Variants in SERPINB2 observed in about 807,000 individuals in gnomAD.
The protein encoded by SERPINB2 is serpin family B member 2.
SERPINB2 carries 28 observed loss-of-function variants against 39.4 expected under a neutral mutation model. The observed-to-expected ratio is 0.71, with a 90% CI of 0.53 to 0.97. The LOEUF is 0.97. Ranked by LOEUF, SERPINB2 falls within the 50% of genes least tolerant of loss-of-function variation. The probability of loss-of-function intolerance (pLI) is 0.00; values close to 1 mark genes in which losing one functional copy is unlikely to be tolerated. For missense variants in SERPINB2, 557 were observed against 505.3 expected (o/e 1.10, Z -0.98); for synonymous variants, 209 against 175.1 (o/e 1.19, Z -1.53).
chr18:63,890,275 A>T (rs1486769639), intron 1 of SERPINB2, among the ~76,000 whole-genome samples: 2 of 152,174 alleles, frequency 1.3e-5, no homozygotes, highest in East Asian at 1.9e-4. Context: ...TCCTTGTTGG[A>T]GAGCAATGCT....
At chr18:63,896,542 T>C (rs1009195922) in intron 3 of SERPINB2, among the ~76,000 whole-genome samples, 2 of 152,206 alleles carry the variant, frequency 1.3e-5, no homozygotes, top group African/African-American at 4.8e-5. Flanking sequence ...GATGACTTGC[T>C]ATACCTATAC....
At chr18:63,897,318 T>A in intron 4 of SERPINB2, 99 bp downstream of exon 4, 3 of 1,431,506 alleles carry the variant, frequency 2.1e-6, no homozygotes, top group Non-Finnish European at 2.8e-6. Context: ...AAAAGCAGAG[T>A]TGGAATTCCA....
intron 3 of SERPINB2, among the ~76,000 whole-genome samples, chr18:63,896,736 C>T (rs903265936): frequency 6.6e-6 from 1 of 152,186 alleles, no homozygotes; most frequent in East Asian, 1.9e-4. Context: ...AGTCATTATA[C>T]TGTACATTAG....
chr18:63,892,555 A>T (rs745768746), intron 2 of SERPINB2: 2 of 152,224 alleles, frequency 1.3e-5, no homozygotes, highest in Non-Finnish European at 2.9e-5. Flanking sequence ...AAGGACACGC[A>T]TGCATTGTGC....
intron 5 of SERPINB2, among the ~76,000 whole-genome samples, chr18:63,900,915 A>T (rs2049987417): frequency 6.6e-6 from 1 of 152,170 alleles, no homozygotes; most frequent in African/African-American, 2.4e-5. Flanking sequence ...CGTTGGGAAG[A>T]CTGCTAACCT....
chr18:63,895,267 C>T lies in SERPINB2; in HGVS notation c.172C>T (p.Leu58Phe). The T allele has an allele frequency of 6.2e-7, 1 of 1,613,364 alleles. No individual in the cohort carries two copies. The highest frequency in any genetic ancestry group is 8.5e-7 in the Non-Finnish European group (1 of 1,179,810). ...TTTTCTCTAATTCTGATTGCAGGTGCTTCAGTTTAATGAAGTGGGAGCCAA... is the reference window on the plus strand; with the variant it reads ...TTTTCTCTAATTCTGATTGCAGGTGTTTCAGTTTAATGAAGTGGGAGCCAA... The part of the protein sequence containing the change: ...GSTEDQMAKV[L>F]QFNEVGANAV... The change falls in exon 3 of 8, where the codon CTT (leucine) becomes TTT (phenylalanine). Residue 58 changes from leucine (L) to phenylalanine (F), a missense_variant. Coordinates refer to ENST00000299502, the MANE Select transcript of SERPINB2 (RefSeq NM_002575.3).
At chr18:63,897,292 C>T in intron 4 of SERPINB2, 73 bp downstream of exon 4, 1 of 1,535,400 alleles carries the variant, frequency 6.5e-7, no homozygotes, top group Non-Finnish European at 8.8e-7. Context: ...CAGTTCTCTA[C>T]AATTCAACAG....
At chr18:63,902,159 A>G (rs2049995656) in intron 6 of SERPINB2, among the ~76,000 whole-genome samples, 2 of 152,138 alleles carry the variant, frequency 1.3e-5, no homozygotes, top group Non-Finnish European at 2.9e-5. Context: ...AGAACTAAAC[A>G]AGTGTTTTAG....
intron 2 of SERPINB2, 35 bp from the exon 3 acceptor site, chr18:63,895,229 G>A (rs775849214): frequency 1.2e-6 from 2 of 1,607,162 alleles, no homozygotes; most frequent in Admixed American, 3.4e-5. Flanking sequence ...AAATCCGTGG[G>A]CAAGTGTAAC....
chr18:63,894,782 C>T (rs1254547816), intron 2 of SERPINB2, among the ~76,000 whole-genome samples: 1 of 152,122 alleles, frequency 6.6e-6, no homozygotes, highest in Non-Finnish European at 1.5e-5. Flanking sequence ...TTAGGTGAAC[C>T]CTGTTAATAT....
chr18:63,895,347 G>C lies in SERPINB2; in HGVS notation c.252G>C (p.Gln84His), dbSNP rs149564761. ...TTACCAGCTGTGGGTTCATGCAGCA[G>C]ATCCAGAAGGGTAGTTATCCTGATG... ...ENFTSCGFMQ[Q>H]IQKGSYPDAI... Residue 84 changes from glutamine to histidine, a missense_variant, in exon 3 of 8, where the codon CAG (glutamine) becomes CAC (histidine). Physicochemically the swap from Gln to His is conservative, Grantham distance 24. Coordinates refer to ENST00000299502, the MANE Select transcript of SERPINB2 (RefSeq NM_002575.3). The C allele has an allele frequency of 2.2e-5, 35 of 1,613,984 alleles. No individual in the cohort carries two copies. In the African/African-American group the frequency reaches 4.3e-4, roughly 20 times the overall value.
At chr18:63,892,353 C>T (rs1463643411) in intron 2 of SERPINB2, among the ~76,000 whole-genome samples, 1 of 152,174 alleles carries the variant, frequency 6.6e-6, no homozygotes, top group Non-Finnish European at 1.5e-5. Flanking sequence ...AAACTCTTTC[C>T]ACGGAGTCTG....
intron 2 of SERPINB2, 102 bp downstream of exon 2, chr18:63,891,714 A>C (rs1175761127): frequency 8.7e-7 from 1 of 1,154,366 alleles, no homozygotes; most frequent in Non-Finnish European, 1.2e-6. Context: ...TCAGGAGGTC[A>C]GCAATCATCA....
intron 3 of SERPINB2, 25 bp downstream of exon 3, chr18:63,895,408 T>G (rs2049953364): frequency 6.2e-7 from 1 of 1,613,826 alleles, no homozygotes; most frequent in African/African-American, 1.3e-5. Flanking sequence ...GGTCCAAATT[T>G]CTTTTGTGGT....
Position 63,891,434 on chromosome 18 carries a change from A to G in SERPINB2, c.-9-2A>G, listed in dbSNP as rs2049925029. On this transcript the variant is annotated splice_acceptor_variant, in intron 1 of 7. Coordinates refer to ENST00000299502, the MANE Select transcript of SERPINB2 (RefSeq NM_002575.3). LOFTEE classifies it low-confidence loss of function (5UTR_SPLICE). ...TTTTTTTCTTCCTCTCTTTGCTTCT[A>G]GATTGAAACAATGGAGGATCTTTGT... 1.2e-6 allele frequency: 2 copies of G among 1,613,760 alleles called. No homozygotes were observed. The highest frequency in any genetic ancestry group is 1.7e-5 in the Admixed American group (1 of 59,966).
In SERPINB2 at chr18:63,903,518, G is replaced by A. The variant is rs2050008403; in HGVS notation, c.*213G>A. The A allele has an allele frequency of 2.8e-6, 1 of 362,038 alleles. No homozygotes were observed. Among genetic ancestry groups the A allele is most frequent in the East Asian group, 4.4e-5 (1 of 22,834 alleles). The allele number at this position is 362,038 out of a possible 1,614,324, so 22.4% of individuals were successfully genotyped here. On this transcript the variant is annotated 3_prime_UTR_variant, in exon 8 of 8. Transcript: ENST00000299502. ...ATTAATCATTTGGTCTTCTAAAATG[G>A]GATCATGCCCATTTAGATTTTCCTT... is the stretch of plus-strand genomic sequence containing the variant.
rs1397312295 is a variant in SERPINB2 at position 63,902,401 on chromosome 18, T to C, written c.679-3T>C. 1.3e-6 allele frequency: 2 copies of C among 1,555,806 alleles called. No individual in the cohort carries two copies. ...TCCATATTTTACCTTTTAATAATATTAGGCTCAGCGCACACCTGTACAGAT... is the reference window on the plus strand; with the variant it reads ...TCCATATTTTACCTTTTAATAATATCAGGCTCAGCGCACACCTGTACAGAT... On this transcript the variant is annotated splice_region_variant and splice_polypyrimidine_tract_variant and intron_variant, in intron 6 of 7. Coordinates refer to ENST00000299502, the MANE Select transcript of SERPINB2 (RefSeq NM_002575.3).
chr18:63,899,577 G>A (rs2049980134), intron 5 of SERPINB2, among the ~76,000 whole-genome samples: 1 of 152,200 alleles, frequency 6.6e-6, no homozygotes, highest in Non-Finnish European at 1.5e-5. Flanking sequence ...TCCTAAGAGA[G>A]CTCCTATCCA....
In SERPINB2 at chr18:63,902,441, A is replaced by G. The variant is rs2049997928; in HGVS notation, c.716A>G (p.Glu239Gly). The G allele has an allele frequency of 1.9e-6, 3 of 1,613,426 alleles. No individual in the cohort carries two copies. The highest frequency in any genetic ancestry group is 1.7e-6 in the Non-Finnish European group (2 of 1,179,602). ...RTPVQMMYLR[E>G]KLNIGYIEDL... ...CCTGTACAGATGATGTACTTGCGTG[A>G]AAAGCTAAACATTGGATACATAGAA... The change falls in exon 7 of 8, where the codon GAA (glutamate) becomes GGA (glycine). Residue 239 changes from glutamate to glycine, a missense_variant. Physicochemically the swap from Glu to Gly is moderately conservative, Grantham distance 98 (BLOSUM62 -2). Transcript: ENST00000299502.
Sources: gnomAD v4.1 joint callset for allele counts (sites outside exome capture counted in the v4.1 genomes callset) on GRCh38, gnomAD v4.1.1 for gene constraint, MANE v1.5 for transcripts, NCBI Gene and HGNC (gene_info 2026-07-23, HGNC 2026-07-21) for gene names.